SLCO5A1: variants seen among roughly 807,000 people sequenced by gnomAD.
The protein encoded by SLCO5A1 is organic anion transporter polypeptide-related protein 4.
Under a neutral mutation model 65.1 loss-of-function variants are expected in SLCO5A1, and 39 were observed. The ratio of observed to expected loss-of-function variants is 0.60; its 90% confidence interval spans 0.46 to 0.78. The LOEUF (loss-of-function observed/expected upper bound fraction) is 0.78, where lower values mean the gene tolerates loss of function less well. Among genes scored for constraint, SLCO5A1 ranks in the 30% least tolerant of loss-of-function variants. The probability of loss-of-function intolerance (pLI) is 0.00; values close to 1 mark genes in which losing one functional copy is unlikely to be tolerated. For missense variants in SLCO5A1, 1,029 were observed against 1,069.4 expected (o/e 0.96, Z 0.53); for synonymous variants, 438 against 415.7 (o/e 1.05, Z -0.65).
intron 5 of SLCO5A1, among the ~76,000 whole-genome samples, chr8:69,724,694 T>C (rs1168982796): frequency 1.3e-5 from 2 of 152,218 alleles, no homozygotes; most frequent in Admixed American, 1.3e-4. Context: ...AGTAAGGTAT[T>C]TCCTGCCTTG....
At chr8:69,772,664 G>GAAAGGAAAGGAAAGGAAAGGAA (rs1471595115) in intron 2 of SLCO5A1, among the ~76,000 whole-genome samples, 2 of 151,538 alleles carry the variant, frequency 1.3e-5, no homozygotes, top group African/African-American at 4.9e-5. Flanking sequence ...GAAAAGAAAT[G>GAAAGGAAAGGAAAGGAAAGGAA]ATTCTGGAGC....
chr8:69,798,372 G>T (rs1819588888), intron 2 of SLCO5A1, among the ~76,000 whole-genome samples: 1 of 152,164 alleles, frequency 6.6e-6, no homozygotes, highest in South Asian at 2.1e-4. Flanking sequence ...TTGGCTCATG[G>T]TTCTACAGCC....
chr8:69,709,084 G>A (rs114442458), intron 5 of SLCO5A1, among the ~76,000 whole-genome samples: 87 of 152,316 alleles, frequency 5.7e-4, no homozygotes, highest in African/African-American at 2.1e-3. Context: ...ACTGCGATGG[G>A]TTGAGTAGTC....
At chr8:69,790,001 T>A (rs1819200808) in intron 2 of SLCO5A1, among the ~76,000 whole-genome samples, 1 of 151,924 alleles carries the variant, frequency 6.6e-6, no homozygotes, top group South Asian at 2.1e-4. Context: ...GAGACCAGCC[T>A]GGCCAATATG....
chr8:69,706,213 A>C (rs186320474), intron 5 of SLCO5A1, among the ~76,000 whole-genome samples: 3 of 152,352 alleles, frequency 2.0e-5, no homozygotes, highest in Admixed American at 2.0e-4. Context: ...CGTTGGTATG[A>C]AGTTCAACAA....
At chr8:69,829,662 A>G (rs986370491) in intron 2 of SLCO5A1, among the ~76,000 whole-genome samples, 2 of 150,304 alleles carry the variant, frequency 1.3e-5, no homozygotes, top group Non-Finnish European at 3.0e-5. Flanking sequence ...TGGGTGAAAG[A>G]AAGACCCTGT....
At chr8:69,806,806 G>A (rs115807843) in intron 2 of SLCO5A1, among the ~76,000 whole-genome samples, 2,480 of 152,252 alleles carry the variant, frequency 0.016, 71 homozygotes, top group African/African-American at 0.057. Context: ...ATAAGACCTC[G>A]GGAGCTTCTG....
chr8:69,805,815 C>T (rs1482348251), intron 2 of SLCO5A1, among the ~76,000 whole-genome samples: 2 of 152,170 alleles, frequency 1.3e-5, no homozygotes, highest in East Asian at 1.9e-4. Context: ...GTTGGGGAGG[C>T]TCAGGGTCCT....
chr8:69,762,940 A>G (rs1009703861), intron 2 of SLCO5A1, among the ~76,000 whole-genome samples: 2 of 152,194 alleles, frequency 1.3e-5, no homozygotes, highest in African/African-American at 4.8e-5. Flanking sequence ...CACATGCCCA[A>G]AGGGGGTGGG....
intron 2 of SLCO5A1, among the ~76,000 whole-genome samples, chr8:69,786,950 TTTAAA>T (rs1819062533): frequency 6.6e-6 from 1 of 152,188 alleles, no homozygotes; most frequent in Non-Finnish European, 1.5e-5. Flanking sequence ...TGAAGATGCA[TTTAAA>T]ATGTTAGTAG....
chr8:69,795,155 C>G (rs1206040343), intron 2 of SLCO5A1, among the ~76,000 whole-genome samples: 1 of 152,094 alleles, frequency 6.6e-6, no homozygotes, highest in East Asian at 1.9e-4. Context: ...CCACCTCTGG[C>G]CCTTCTCAAA....
rs369512425 is a variant in SLCO5A1 at position 69,680,908 on chromosome 8, A to G, written c.1782+1276T>C. On this transcript the variant is annotated intron_variant, in intron 7 of 9. Transcript: ENST00000260126. ...ACTAAATGGACATCAGCTGGCCTTC[A>G]TTGCAACCTTTGAATACTTGAAGCA... Among the ~76,000 whole-genome samples, 61 of 152,318 alleles carry G rather than the reference A, an allele frequency of 4.0e-4. 1 individual carries two copies. The South Asian group carries it at 7.2e-3, about 18-fold the overall frequency.
chr8:69,817,993 A>C (rs1199970599), intron 2 of SLCO5A1, among the ~76,000 whole-genome samples: 1 of 152,176 alleles, frequency 6.6e-6, no homozygotes, highest in Non-Finnish European at 1.5e-5. Context: ...CAAAAGGGAG[A>C]AACTCAACTG....
chr8:69,691,684 T>G (rs376925896), intron 6 of SLCO5A1, among the ~76,000 whole-genome samples: 23 of 152,230 alleles, frequency 1.5e-4, no homozygotes, highest in Middle Eastern at 3.2e-3. Context: ...CTGAATAGTG[T>G]TCCATTGTAT....
chr8:69,794,266 G>A lies in SLCO5A1; in HGVS notation c.908-32391C>T, dbSNP rs142434874. On this transcript the variant is annotated intron_variant, in intron 2 of 9. Transcript: ENST00000260126. ...CAAAAGCTTCCACCAGAATGGGAAA[G>A]TTTTGCTGAATGGGGAGAAGTTCTT... The A allele has an allele frequency of 6.0e-5, 29 of 479,906 alleles. No individual in the cohort carries two copies. In the East Asian group the frequency reaches 1.4e-3, roughly 23 times the overall value. 29.7% of individuals were successfully genotyped at this position (479,906 alleles called of 1,614,324 possible). A position where few individuals can be genotyped will look rare whatever the true frequency, so the allele number is the denominator to read the frequency against.
intron 2 of SLCO5A1, among the ~76,000 whole-genome samples, chr8:69,778,317 A>G (rs1818655422): frequency 6.6e-6 from 1 of 151,564 alleles, no homozygotes; most frequent in South Asian, 2.1e-4. Context: ...AGTTTATTTT[A>G]TGTCAATTTT....
At chr8:69,685,611 A>C (rs1010634013) in intron 6 of SLCO5A1, among the ~76,000 whole-genome samples, 2 of 152,218 alleles carry the variant, frequency 1.3e-5, no homozygotes, top group Admixed American at 1.3e-4. Flanking sequence ...CCACAATGTA[A>C]GCCTGAGAGT....
intron 5 of SLCO5A1, among the ~76,000 whole-genome samples, chr8:69,728,771 CAA>C (rs1312087177): frequency 3.9e-5 from 6 of 151,966 alleles, no homozygotes; most frequent in South Asian, 4.2e-4. Flanking sequence ...TATCATTAAA[CAA>C]AAGAGATAAA....
intron 2 of SLCO5A1, among the ~76,000 whole-genome samples, chr8:69,779,345 A>G (rs569726056): frequency 4.2e-4 from 64 of 152,338 alleles, no homozygotes; most frequent in Non-Finnish European, 7.6e-4. Flanking sequence ...TATAGTTTTA[A>G]CATGTTAACT....
Sources: gnomAD v4.1 joint callset for allele counts (sites outside exome capture counted in the v4.1 genomes callset) on GRCh38, gnomAD v4.1.1 for gene constraint, MANE v1.5 for transcripts, NCBI Gene and HGNC (gene_info 2026-07-23, HGNC 2026-07-21) for gene names.